Variants in RBM25 observed in about 807,000 individuals in gnomAD.
The protein encoded by RBM25 is RNA binding motif protein 25.
Under a neutral mutation model 120.7 loss-of-function variants are expected in RBM25, and 19 were observed. The ratio of observed to expected loss-of-function variants is 0.16; its 90% CI spans 0.11 to 0.23. RBM25 has a LOEUF of 0.23. RBM25 is among the 10% of genes least tolerant of loss of function. RBM25 has a pLI of 1.00. For synonymous variants in RBM25, 390 were observed against 326.7 expected, an observed-to-expected ratio of 1.19 and a Z score of -2.09; for missense variants, 605 against 1,041.5, an observed-to-expected ratio of 0.58 and a Z score of 5.77.
intron 18 of RBM25, among the ~76,000 whole-genome samples, chr14:73,115,111 CAGTT>C (rs1377849647): frequency 3.3e-5 from 5 of 151,480 alleles, no homozygotes; most frequent in Admixed American, 6.6e-5. Flanking sequence ...GCATTGATAG[CAGTT>C]AGGTTAAGCA....
chr14:73,075,605 A>G (rs1895398559), intron 2 of RBM25, among the ~76,000 whole-genome samples: 1 of 152,214 alleles, frequency 6.6e-6, no homozygotes, highest in Non-Finnish European at 1.5e-5. Context: ...ATCATGCACA[A>G]CGTTTTGAAA....
At chr14:73,087,647 G>A (rs1287015659) in intron 5 of RBM25, among the ~76,000 whole-genome samples, 8 of 150,074 alleles carry the variant, frequency 5.3e-5, no homozygotes, top group Non-Finnish European at 7.4e-5. Context: ...CACCCGCCTC[G>A]GCCTCCCAAA....
rs117958300 is a variant in RBM25, at chr14:73,103,781, T to G, written c.1154+303T>G. Among the ~76,000 whole-genome samples the G allele has an allele frequency of 1.5e-3, 229 of 152,202 alleles. 4 individuals are homozygous for G. The East Asian group carries it at 0.04, about 27-fold the overall frequency. Reference sequence around the variant, plus strand: ...GTTAATCAGCCTGGTTTTGAACTCCTGGCCTCAAGTGATCCGCCTGCCTCA... The same window carrying G: ...GTTAATCAGCCTGGTTTTGAACTCCGGGCCTCAAGTGATCCGCCTGCCTCA... On this transcript the variant is annotated intron_variant, in intron 10 of 18. Transcript: ENST00000261973.
intron 18 of RBM25, 126 bp from the exon 19 acceptor site, chr14:73,119,587 A>G: frequency 1.3e-6 from 2 of 1,506,874 alleles, no homozygotes; most frequent in East Asian, 2.4e-5. Context: ...TTAAAATCTT[A>G]ACTAGCATTT....
intron 17 of RBM25, among the ~76,000 whole-genome samples, chr14:73,113,229 G>T (rs1306106240): frequency 6.6e-6 from 1 of 151,886 alleles, no homozygotes; most frequent in Admixed American, 6.6e-5. Flanking sequence ...GAGAACATGT[G>T]GTGTTTGGTT....
chr14:73,102,710 G>A (rs1238422729), intron 9 of RBM25: 1 of 153,206 alleles, frequency 6.5e-6, no homozygotes, highest in Non-Finnish European at 1.5e-5. Flanking sequence ...AGAGGGCAGA[G>A]ATTATTTAGT....
intron 6 of RBM25, among the ~76,000 whole-genome samples, chr14:73,094,181 C>A (rs567668982): frequency 6.6e-6 from 1 of 150,612 alleles, no homozygotes; most frequent in Admixed American, 6.6e-5. Context: ...TCTCGATCTC[C>A]TGACCTTGTG....
chr14:73,103,994 A>ACACT (rs1339176135), intron 10 of RBM25, among the ~76,000 whole-genome samples: 121 of 99,408 alleles, frequency 1.2e-3, no homozygotes, highest in South Asian at 2.0e-3. Context: ...ACACACACAC[A>ACACT]CTCTCTCTCT....
At chr14:73,085,043 A>T (rs888097208) in intron 5 of RBM25, among the ~76,000 whole-genome samples, 8 of 151,564 alleles carry the variant, frequency 5.3e-5, no homozygotes, top group African/African-American at 1.5e-4. Flanking sequence ...TTTTTGAGAC[A>T]GAGTCTTGTT....
At chr14:73,094,935 C>T (rs1266758637) in intron 6 of RBM25, among the ~76,000 whole-genome samples, 1 of 151,930 alleles carries the variant, frequency 6.6e-6, no homozygotes, top group East Asian at 1.9e-4. Context: ...CTGCTCACTG[C>T]AGTCTCCACC....
At chr14:73,115,554 G>A (rs1896410612) in intron 18 of RBM25, among the ~76,000 whole-genome samples, 1 of 152,154 alleles carries the variant, frequency 6.6e-6, no homozygotes. Flanking sequence ...TTTTGGACAG[G>A]TATCCAAACA....
intron 18 of RBM25, among the ~76,000 whole-genome samples, chr14:73,119,350 C>T (rs769212682): frequency 1.3e-5 from 2 of 151,916 alleles, no homozygotes; most frequent in African/African-American, 4.8e-5. Flanking sequence ...TTGGCAAGCT[C>T]CGCCTCCTGG....
intron 8 of RBM25, 45 bp downstream of exon 8, chr14:73,099,478 G>A: frequency 6.3e-7 from 1 of 1,594,564 alleles, no homozygotes; most frequent in African/African-American, 1.4e-5. Flanking sequence ...GTTTACTGCT[G>A]ATTGTTGATT....
intron 4 of RBM25, among the ~76,000 whole-genome samples, chr14:73,080,835 T>C (rs1205825532): frequency 6.7e-6 from 1 of 150,034 alleles, no homozygotes; most frequent in Non-Finnish European, 1.5e-5. Flanking sequence ...TTTTTTTTTT[T>C]TTTATTTGAG....
rs371002071 is a variant in RBM25 at position 73,076,386 on chromosome 14, G to T, written c.156+18G>T. The stretch of plus-strand genomic sequence containing the variant: ...CTCCAACTGTAAGTATAACTTAAAG[G>T]AGGAATCATGAGTTATGGTAGTGCT... On this transcript the variant is annotated intron_variant, in intron 3 of 18. Coordinates refer to ENST00000261973, the MANE Select transcript of RBM25 (RefSeq NM_021239.3). The T allele has an allele frequency of 7.5e-6, 12 of 1,592,674 alleles. No homozygotes were observed. The African/African-American group carries it at 1.5e-4, about 20-fold the overall frequency.
chr14:73,069,508 A>G (rs1895223480), intron 1 of RBM25, among the ~76,000 whole-genome samples: 1 of 152,098 alleles, frequency 6.6e-6, no homozygotes, highest in African/African-American at 2.4e-5. Context: ...GCAATGGCAC[A>G]CTACAATCTC....
chr14:73,066,466 G>C (rs762770477), intron 1 of RBM25, among the ~76,000 whole-genome samples: 8 of 151,950 alleles, frequency 5.3e-5, no homozygotes, highest in Non-Finnish European at 1.0e-4. Flanking sequence ...GTGAAACCCC[G>C]TCTCTACTAA....
At position 73,086,376 on chromosome 14, in the gene RBM25, T is replaced by C. The variant is rs1034534788; in HGVS notation, c.383-1625T>C. Among the ~76,000 whole-genome samples, 9 of 151,560 alleles carry C rather than the reference T, an allele frequency of 5.9e-5. No homozygotes were observed. In the East Asian group the frequency reaches 1.4e-3, roughly 23 times the overall value. ...TCGCTTCAACCCGGGAGGCAGAGTT[T>C]GCAGTGAGCCGAGATTGCACCACTA... On this transcript the variant is annotated intron_variant, in intron 5 of 18. Transcript: ENST00000261973.
At chr14:73,062,678 G>T (rs1473516037) in intron 1 of RBM25, among the ~76,000 whole-genome samples, 1 of 151,424 alleles carries the variant, frequency 6.6e-6, no homozygotes, top group Non-Finnish European at 1.5e-5. Context: ...TGTCTTCAGG[G>T]TTTCTTTTTG....
Sources: gnomAD v4.1 joint callset for allele counts (sites outside exome capture counted in the v4.1 genomes callset) on GRCh38, gnomAD v4.1.1 for gene constraint, MANE v1.5 for transcripts, NCBI Gene and HGNC (gene_info 2026-07-23, HGNC 2026-07-21) for gene names.